GAS7: variants seen among roughly 807,000 people sequenced by gnomAD.
The protein encoded by GAS7 is growth arrest-specific protein 7.
GAS7 carries 28 observed loss-of-function variants against 71.1 expected under a neutral mutation model. That is an observed-to-expected ratio of 0.39 (90% CI 0.29 to 0.54). The LOEUF is 0.54. Ranked by LOEUF, GAS7 falls within the 20% of genes least tolerant of loss-of-function variation. The probability of loss-of-function intolerance (pLI) is 0.62; values close to 1 mark genes in which losing one functional copy is unlikely to be tolerated. For missense variants in GAS7, 436 were observed against 627.8 expected (o/e 0.69, Z 3.27); for synonymous variants, 258 against 245.8 (o/e 1.05, Z -0.46).
rs184179834 is a variant in GAS7, at chr17:9,979,616, G to A, written c.385+2188C>T. 5.3e-3 allele frequency among the ~76,000 whole-genome samples: 802 copies of A among 152,258 alleles called. 4 individuals carry two copies. Among genetic ancestry groups the A allele is most frequent in the Non-Finnish European group, 8.4e-3 (570 of 68,002 alleles). The stretch of plus-strand genomic sequence containing the variant: ...GAGGGTCCCAGGAGAGCAGGCTTTG[G>A]AGAAGTGACCCCATGACTCAAAGGG... On this transcript the variant is annotated intron_variant, in intron 3 of 13. Coordinates refer to ENST00000432992, the MANE Select transcript of GAS7 (RefSeq NM_201433.2).
intron 1 of GAS7, 138 bp downstream of exon 1, chr17:10,198,070 A>T: frequency 1.4e-6 from 1 of 737,952 alleles, no homozygotes. Flanking sequence ...GTGGAGCTAC[A>T]GGTAGCGCCG....
Position 9,959,556 on chromosome 17 carries a change from C to T in GAS7, c.472-301G>A, listed in dbSNP as rs993595462. 1.6e-5 allele frequency: 14 copies of T among 856,154 alleles called. No homozygotes were observed. The highest frequency in any genetic ancestry group is 4.0e-4 in the Middle Eastern group (1 of 2,514). The allele number at this position is 856,154 out of a possible 1,614,324, so 53.0% of individuals were successfully genotyped here. A position where few individuals can be genotyped will look rare whatever the true frequency, so the allele number is the denominator to read the frequency against. ...CTGTGATTTGGGGAGTTAACCCCTC[C>T]GCTGCCCTCTGCTGGTGAACGTTCC... On this transcript the variant is annotated intron_variant, in intron 4 of 13. Coordinates refer to ENST00000432992, the MANE Select transcript of GAS7 (RefSeq NM_201433.2). This position sits in a 1 kb window ranked among gnomAD's most constrained non-coding sequence, Gnocchi z 5.0.
At chr17:10,078,553 A>C (rs1043552015) in intron 1 of GAS7, among the ~76,000 whole-genome samples, 1 of 152,232 alleles carries the variant, frequency 6.6e-6, no homozygotes, top group Non-Finnish European at 1.5e-5. Context: ...TGTAATTTAC[A>C]CTGGCATAAT....
intron 1 of GAS7, among the ~76,000 whole-genome samples, chr17:10,078,236 C>T (rs564795881): frequency 3.2e-4 from 48 of 152,206 alleles, no homozygotes; most frequent in African/African-American, 1.1e-3. Flanking sequence ...AAACTGCAGA[C>T]GTGCACCACC....
intron 1 of GAS7, among the ~76,000 whole-genome samples, chr17:10,149,375 T>C (rs1053412514): frequency 2.6e-5 from 4 of 152,178 alleles, no homozygotes; most frequent in African/African-American, 9.7e-5. Context: ...AGTGCTGGGA[T>C]TACAGACGTG....
chr17:9,989,441 T>C (rs2070760613), intron 2 of GAS7, among the ~76,000 whole-genome samples: 1 of 152,210 alleles, frequency 6.6e-6, no homozygotes, highest in South Asian at 2.1e-4. Context: ...CTCCTCCTCC[T>C]TCAGCTTAAA....
At position 9,910,808 on chromosome 17, in the gene GAS7, A is replaced by C. The variant is rs2152056960; in HGVS notation, c.*6420T>G. The C allele has an allele frequency of 4.4e-6, 1 of 226,256 alleles. No homozygotes were observed. The highest frequency in any genetic ancestry group is 2.2e-5 in the African/African-American group (1 of 45,026). 14.0% of individuals were successfully genotyped at this position (226,256 alleles called of 1,614,324 possible). On this transcript the variant is annotated 3_prime_UTR_variant, in exon 14 of 14. Transcript: ENST00000432992. ...TTCAACAGTGTTACTTATAAATTAT[A>C]TTACATCAATTTTATTTACTGATCT...
intron 2 of GAS7, among the ~76,000 whole-genome samples, chr17:9,988,255 T>C (rs969326195): frequency 1.7e-4 from 26 of 152,310 alleles, no homozygotes; most frequent in African/African-American, 4.8e-4. Flanking sequence ...TGCCTAGCTA[T>C]GGCCAGGTTT....
intron 1 of GAS7, among the ~76,000 whole-genome samples, chr17:10,130,044 C>T (rs746649041): frequency 9.9e-5 from 15 of 151,880 alleles, no homozygotes; most frequent in Non-Finnish European, 1.8e-4. Context: ...TGGCGCGCGC[C>T]TGTAATCCCA....
intron 1 of GAS7, among the ~76,000 whole-genome samples, chr17:10,128,918 C>T (rs1322443439): frequency 6.6e-6 from 1 of 152,128 alleles, no homozygotes; most frequent in African/African-American, 2.4e-5. Context: ...TCACTGCACC[C>T]GGCCTGCTTT....
At position 10,108,781 on chromosome 17, in the gene GAS7, C is replaced by T. The variant is rs539625611; in HGVS notation, c.184-88884G>A. ...GTGTTGAGGAAACTGGATATCCATA[C>T]GTAGAGGAATAAAACTGGACCCCTA... On this transcript the variant is annotated intron_variant, in intron 1 of 13. Transcript: ENST00000432992. Among the ~76,000 whole-genome samples, 78 of 152,170 alleles carry T rather than the reference C, an allele frequency of 5.1e-4. 1 individual carries two copies. The highest frequency in any genetic ancestry group is 1.5e-3 in the African/African-American group (62 of 41,500).
At chr17:10,171,735 CTGAT>C (rs1212803006) in intron 1 of GAS7, among the ~76,000 whole-genome samples, 1 of 152,190 alleles carries the variant, frequency 6.6e-6, no homozygotes, top group Non-Finnish European at 1.5e-5. Context: ...GTTGAAACCT[CTGAT>C]TGGTTGTGTG....
At chr17:10,177,208 G>A (rs2074379546) in intron 1 of GAS7, among the ~76,000 whole-genome samples, 1 of 152,174 alleles carries the variant, frequency 6.6e-6, no homozygotes, top group Admixed American at 6.6e-5. Flanking sequence ...TCCATGGGCT[G>A]GATCTTGATA....
At chr17:10,148,960 A>T (rs368777114) in intron 1 of GAS7, among the ~76,000 whole-genome samples, 74 of 151,754 alleles carry the variant, frequency 4.9e-4, no homozygotes, top group South Asian at 3.5e-3. Context: ...TATCAGGTCA[A>T]CTGGATGATG....
chr17:10,088,820 T>C (rs9891060), intron 1 of GAS7, among the ~76,000 whole-genome samples: 18,221 of 144,894 alleles, frequency 0.13, 1,238 homozygotes, highest in East Asian at 0.22. Context: ...GAGAGGGGGG[T>C]TCAAGCTGAA....
At position 10,121,691 on chromosome 17, in the gene GAS7, C is replaced by T. The variant is rs116523359; in HGVS notation, c.183+76517G>A. Among the ~76,000 whole-genome samples, 1,339 of 152,266 alleles carry T rather than the reference C, an allele frequency of 8.8e-3. 22 individuals carry two copies. Among genetic ancestry groups the T allele is most frequent in the African/African-American group, 0.03 (1,239 of 41,524 alleles). On this transcript the variant is annotated intron_variant, in intron 1 of 13. Transcript: ENST00000432992. ...TTAAAAATTCTCTCCACCCACGAAACGATTTGTTCACCTGTGGGTTGAGGA... is the reference window on the plus strand; with the variant it reads ...TTAAAAATTCTCTCCACCCACGAAATGATTTGTTCACCTGTGGGTTGAGGA...
intron 2 of GAS7, among the ~76,000 whole-genome samples, chr17:10,012,799 G>C (rs1194779360): frequency 1.3e-5 from 2 of 151,988 alleles, no homozygotes; most frequent in Non-Finnish European, 2.9e-5. Context: ...CATGGGGTTA[G>C]TGCCATTAAA....
intron 1 of GAS7, among the ~76,000 whole-genome samples, chr17:10,112,903 A>C (rs1012147574): frequency 1.3e-5 from 2 of 152,156 alleles, no homozygotes; most frequent in Non-Finnish European, 2.9e-5. Flanking sequence ...TGTCATCACA[A>C]GTAGAAAATT....
chr17:10,053,702 G>C (rs1312573979), intron 1 of GAS7, among the ~76,000 whole-genome samples: 1 of 152,162 alleles, frequency 6.6e-6, no homozygotes, highest in African/African-American at 2.4e-5. Flanking sequence ...AAATCTGGAA[G>C]AACTCCTCCA....
Sources: allele counts gnomAD v4.1 joint callset (sites outside exome capture counted in the v4.1 genomes callset), GRCh38; gene constraint gnomAD v4.1.1; non-coding constraint Gnocchi (gnomAD v3.1); transcripts MANE v1.5; gene names NCBI Gene and HGNC (gene_info 2026-07-23, HGNC 2026-07-21).